Variants in RFTN1 observed in about 807,000 individuals in gnomAD.
RFTN1 encodes the protein raftlin, lipid raft linker 1.
RFTN1 carries 26 observed loss-of-function variants against 46.5 expected under a neutral mutation model. That is an observed-to-expected ratio of 0.56 (90% CI 0.41 to 0.78). The LOEUF (loss-of-function observed/expected upper bound fraction) is 0.78, where lower values mean the gene tolerates loss of function less well. Among genes scored for constraint, RFTN1 ranks in the 30% least tolerant of loss-of-function variants. RFTN1 has a pLI of 0.00. For synonymous variants in RFTN1, 261 were observed against 284.2 expected (o/e 0.92, Z 0.82); for missense variants, 693 against 718.7 (o/e 0.96, Z 0.41).
intron 3 of RFTN1, among the ~76,000 whole-genome samples, chr3:16,430,647 T>C (rs528896408): frequency 3.3e-4 from 51 of 152,314 alleles, no homozygotes; most frequent in Middle Eastern, 3.4e-3. Flanking sequence ...TATCAAACTT[T>C]TGCATTTTTT....
rs17081702 is a variant in RFTN1, at chr3:16,369,876, C to T, written c.1030+200G>A. Among the ~76,000 whole-genome samples, 149 of 152,310 alleles carry T rather than the reference C, an allele frequency of 9.8e-4. 3 individuals carry two copies. In the East Asian group the frequency reaches 0.027, roughly 28 times the overall value. Reference sequence around the variant, plus strand: ...GTCATTTCAGAAGATACCTGGCTGACTCGTAGAGAGGTTTTGAGAGCACAG... The same window carrying T: ...GTCATTTCAGAAGATACCTGGCTGATTCGTAGAGAGGTTTTGAGAGCACAG... On this transcript the variant is annotated intron_variant, in intron 6 of 9. Transcript: ENST00000334133.
rs2075833595 is a variant in RFTN1 at position 16,452,294 on chromosome 3, AG to A, written c.146-18258del. On this transcript the variant is annotated intron_variant, in intron 2 of 9. Transcript: ENST00000334133. This position sits in a 1 kb window ranked among gnomAD's most constrained non-coding sequence, Gnocchi z 6.3. ...ACTAAAAAAAAAATAATAGCTGTCA[AG>A]GTAGATGAAGGTAAGGATATAATAG... is the stretch of plus-strand genomic sequence containing the variant. Among the ~76,000 whole-genome samples the A allele has an allele frequency of 6.6e-6, 1 of 152,096 alleles. No homozygotes were observed. Among genetic ancestry groups the A allele is most frequent in the Non-Finnish European group, 1.5e-5 (1 of 68,036 alleles).
Position 16,421,574 on chromosome 3 carries a change from TC to T in RFTN1, c.333-12092del, listed in dbSNP as rs2075184344. ...ACCATGTTGGCCAGGATGGTCTCGA[TC>T]CCTTGACTTCGTGATCCGCCCGCCT... On this transcript the variant is annotated intron_variant, in intron 3 of 9. Coordinates refer to ENST00000334133, the MANE Select transcript of RFTN1 (RefSeq NM_015150.2). This position sits in a 1 kb window ranked among gnomAD's most constrained non-coding sequence, Gnocchi z 4.6. Among the ~76,000 whole-genome samples, 1 of 152,018 alleles carries T rather than the reference TC, an allele frequency of 6.6e-6. No homozygotes were observed. The highest frequency in any genetic ancestry group is 6.5e-5 in the Admixed American group (1 of 15,270).
In RFTN1 at chr3:16,377,975, G is replaced by C; in HGVS notation, c.569C>G (p.Ala190Gly). The C allele has an allele frequency of 3.1e-6, 5 of 1,614,106 alleles. No homozygotes were observed. The highest frequency in any genetic ancestry group is 3.4e-6 in the Non-Finnish European group (4 of 1,179,998). The change falls in exon 5 of 10, where the codon GCA becomes GGA. Residue 190 changes from alanine to glycine, a missense_variant. Transcript: ENST00000334133. ...TANSTEDARDAKNARGDHASL... is the reference protein window; with the variant it reads ...TANSTEDARDGKNARGDHASL... ...CGCGTGATCCCCACGTGCGTTTTTT[G>C]CATCTCTGGCATCCTCGGTGCTGTT...
In RFTN1 at chr3:16,484,382, T is replaced by G. The variant is rs554174539; in HGVS notation, c.145+9343A>C. Among the ~76,000 whole-genome samples, 1 of 152,330 alleles carries G rather than the reference T, an allele frequency of 6.6e-6. No individual in the cohort carries two copies. The highest frequency in any genetic ancestry group is 2.1e-4 in the South Asian group (1 of 4,820). ...TGAATAAGGAATGTCATCCTGTTAT[T>G]ATCATGACCACCCAAAATTTATATA... is the stretch of plus-strand genomic sequence containing the variant. On this transcript the variant is annotated intron_variant, in intron 2 of 9. Coordinates refer to ENST00000334133, the MANE Select transcript of RFTN1 (RefSeq NM_015150.2). The surrounding 1 kb of genome is among the most constrained non-coding windows in gnomAD (Gnocchi z 4.6).
At chr3:16,395,325 T>C (rs971469167) in intron 4 of RFTN1, among the ~76,000 whole-genome samples, 3 of 152,214 alleles carry the variant, frequency 2.0e-5, no homozygotes, top group Non-Finnish European at 4.4e-5. Context: ...TTAGAAATTA[T>C]GAAAAACTGA....
At chr3:16,438,019 TA>T (rs1379118469) in intron 2 of RFTN1, among the ~76,000 whole-genome samples, 1 of 152,066 alleles carries the variant, frequency 6.6e-6, no homozygotes, top group Non-Finnish European at 1.5e-5. Context: ...CAATCAAACC[TA>T]AAAATACTAT....
chr3:16,512,253 T>TTTG lies in RFTN1; in HGVS notation c.-9+1188_-9+1189insCAA, dbSNP rs536944113. On this transcript the variant is annotated intron_variant, in intron 1 of 9. Coordinates refer to ENST00000334133, the MANE Select transcript of RFTN1 (RefSeq NM_015150.2). This position sits in a 1 kb window ranked among gnomAD's most constrained non-coding sequence, Gnocchi z 4.3. ...CTCACATTACACCCGGCTTCCTTCC[T>TTTG]GGCAAGGCCTTAACTTATCCTGAGA... 9.1e-4 allele frequency among the ~76,000 whole-genome samples: 139 copies of TTTG among 152,212 alleles called. 2 individuals carry two copies. The South Asian group carries it at 0.028, about 30-fold the overall frequency.
In RFTN1 at chr3:16,376,243, C is replaced by G. The variant is rs184015975; in HGVS notation, c.826+1475G>C. On this transcript the variant is annotated intron_variant, in intron 5 of 9. Coordinates refer to ENST00000334133, the MANE Select transcript of RFTN1 (RefSeq NM_015150.2). This position sits in a 1 kb window ranked among gnomAD's most constrained non-coding sequence, Gnocchi z 4.7. Reference sequence around the variant, plus strand: ...AGTGCCGAGTGCTTTAAATGTACAACTTTAACCTTTCCATGAGAAACTATC... The same window carrying G: ...AGTGCCGAGTGCTTTAAATGTACAAGTTTAACCTTTCCATGAGAAACTATC... Among the ~76,000 whole-genome samples, 3 of 152,150 alleles carry G rather than the reference C, an allele frequency of 2.0e-5. No individual in the cohort carries two copies. The highest frequency in any genetic ancestry group is 4.4e-5 in the Non-Finnish European group (3 of 68,028).
chr3:16,497,054 G>A (rs774600792), intron 1 of RFTN1, among the ~76,000 whole-genome samples: 6 of 152,116 alleles, frequency 3.9e-5, no homozygotes, highest in Non-Finnish European at 8.8e-5. Flanking sequence ...AGAAGCTGGG[G>A]TGCCAGTTAC....
intron 2 of RFTN1, among the ~76,000 whole-genome samples, chr3:16,487,133 A>C (rs1339642982): frequency 6.6e-6 from 1 of 152,210 alleles, no homozygotes; most frequent in East Asian, 1.9e-4. Flanking sequence ...GAAAATAAGC[A>C]TCTGTTGTTT....
rs1284704508 is a variant in RFTN1 at position 16,334,778 on chromosome 3, G to A, written c.1147-7902C>T. Among the ~76,000 whole-genome samples the A allele has an allele frequency of 6.6e-6, 1 of 152,226 alleles. No individual in the cohort carries two copies. The highest frequency in any genetic ancestry group is 1.9e-4 in the East Asian group (1 of 5,200). ...CCTGTGAAAATGTTCCCTTCGCATG[G>A]TAAAGGGATGTGGCAGATATGATTA... On this transcript the variant is annotated intron_variant, in intron 7 of 9. Coordinates refer to ENST00000334133, the MANE Select transcript of RFTN1 (RefSeq NM_015150.2). This position sits in a 1 kb window ranked among gnomAD's most constrained non-coding sequence, Gnocchi z 4.3.
intron 2 of RFTN1, among the ~76,000 whole-genome samples, chr3:16,493,380 C>T (rs1486898928): frequency 2.0e-5 from 3 of 152,008 alleles, no homozygotes; most frequent in Non-Finnish European, 4.4e-5. Flanking sequence ...TACAGGCACC[C>T]GCCACCACGC....
At chr3:16,492,971 G>C (rs112415758) in intron 2 of RFTN1, among the ~76,000 whole-genome samples, 1 of 152,322 alleles carries the variant, frequency 6.6e-6, no homozygotes, top group African/African-American at 2.4e-5. Flanking sequence ...ACACTTGTAT[G>C]GTAGGTGACC....
At chr3:16,409,994 A>AT (rs11317679) in intron 3 of RFTN1, among the ~76,000 whole-genome samples, 72 of 147,344 alleles carry the variant, frequency 4.9e-4, no homozygotes, top group Admixed American at 4.7e-4. Context: ...GACGCAGAAT[A>AT]TTTTTTTTTT....
intron 2 of RFTN1, chr3:16,454,666 C>T (rs1281430727): frequency 1.5e-6 from 1 of 672,958 alleles, no homozygotes; most frequent in South Asian, 6.6e-5. Flanking sequence ...TCCTCATTCC[C>T]TAACTGCTTA....
At chr3:16,409,015 G>C (rs2074925430) in intron 4 of RFTN1, among the ~76,000 whole-genome samples, 1 of 152,232 alleles carries the variant, frequency 6.6e-6, no homozygotes. Context: ...AGGAAGGGAA[G>C]GGGGCTTGCG....
At chr3:16,478,529 C>T (rs1472657346) in intron 2 of RFTN1, among the ~76,000 whole-genome samples, 1 of 152,196 alleles carries the variant, frequency 6.6e-6, no homozygotes, top group Non-Finnish European at 1.5e-5. Flanking sequence ...TAATATATAA[C>T]AAATTACCAC....
At position 16,344,570 on chromosome 3, in the gene RFTN1, C is replaced by T. The variant is rs2071517243; in HGVS notation, c.1146+13362G>A. ...GTTCTTATTCTTAGATCCCAAGGGC[C>T]ACCCAAGGTATTCTGTGGCCTCCCA... is the stretch of plus-strand genomic sequence containing the variant. On this transcript the variant is annotated intron_variant, in intron 7 of 9. Transcript: ENST00000334133. The surrounding 1 kb of genome is among the most constrained non-coding windows in gnomAD (Gnocchi z 4.4). Among the ~76,000 whole-genome samples, 1 of 152,044 alleles carries T rather than the reference C, an allele frequency of 6.6e-6. No homozygotes were observed. Among genetic ancestry groups the T allele is most frequent in the African/African-American group, 2.4e-5 (1 of 41,382 alleles).
Sources: gnomAD v4.1 joint callset for allele counts (sites outside exome capture counted in the v4.1 genomes callset) on GRCh38, gnomAD v4.1.1 for gene constraint, Gnocchi (gnomAD v3.1) non-coding constraint, MANE v1.5 for transcripts, NCBI Gene and HGNC (gene_info 2026-07-23, HGNC 2026-07-21) for gene names.